The following SSBP3 variants were observed in gnomAD, a reference collection of about 807,000 sequenced individuals.
SSBP3 encodes single stranded DNA binding protein 3, also known as single-stranded DNA-binding protein 3.
In SSBP3, 5 loss-of-function variants were observed where a neutral mutation model predicts 69.6. That is an observed-to-expected ratio of 0.07 (90% CI 0.04 to 0.15). The LOEUF (loss-of-function observed/expected upper bound fraction) is 0.15, where lower values mean the gene tolerates loss of function less well. Ranked by LOEUF, SSBP3 falls within the 10% of genes least tolerant of loss-of-function variation. The pLI, the probability that SSBP3 is intolerant of heterozygous loss-of-function variation, is 1.00. For missense variants in SSBP3, 312 were observed against 534.0 expected (o/e 0.58, Z 4.10); for synonymous variants, 196 against 193.4 (o/e 1.01, Z -0.11).
chr1:54,317,585 A>C (rs1212207851), intron 4 of SSBP3, among the ~76,000 whole-genome samples: 1 of 152,028 alleles, frequency 6.6e-6, no homozygotes, highest in East Asian at 1.9e-4. Flanking sequence ...AAAAAGCATC[A>C]AACCACAAAA....
At chr1:54,350,780 T>C (rs1054357368) in intron 4 of SSBP3, among the ~76,000 whole-genome samples, 2 of 151,826 alleles carry the variant, frequency 1.3e-5, no homozygotes, top group African/African-American at 4.8e-5. Flanking sequence ...AAAAATCATA[T>C]CAACGTGTAA....
intron 4 of SSBP3, among the ~76,000 whole-genome samples, chr1:54,284,477 AATT>A (rs898550202): frequency 4.0e-5 from 6 of 151,648 alleles, no homozygotes; most frequent in Non-Finnish European, 7.4e-5. Context: ...AAAAAATTAA[AATT>A]ATTATTATTA....
chr1:54,235,048 C>T lies in SSBP3; in HGVS notation c.927+4081G>A, dbSNP rs140088243. On this transcript the variant is annotated intron_variant, in intron 14 of 17. Coordinates refer to ENST00000610401, the Ensembl canonical transcript of SSBP3. ...CACTGACTCCTAGTGTCACCTAACA[C>T]GGTACCACCAAACTAAATATCCTCT... 4.3e-4 allele frequency among the ~76,000 whole-genome samples: 65 copies of T among 152,302 alleles called. No homozygotes were observed. In the East Asian group the frequency reaches 8.1e-3, roughly 19 times the overall value.
intron 4 of SSBP3, among the ~76,000 whole-genome samples, chr1:54,388,264 G>A (rs1241191985): frequency 6.6e-6 from 1 of 152,160 alleles, no homozygotes; most frequent in Non-Finnish European, 1.5e-5. Context: ...TGGCTCAAAG[G>A]TAGAGTGGGG....
At chr1:54,313,266 G>C (rs1646036961) in intron 4 of SSBP3, among the ~76,000 whole-genome samples, 1 of 151,966 alleles carries the variant, frequency 6.6e-6, no homozygotes, top group Admixed American at 6.6e-5. Flanking sequence ...GAACCTGGGG[G>C]AGGGGGCTGC....
At position 54,240,125 on chromosome 1, in the gene SSBP3, ACATGCCCACG is replaced by A. The variant is rs1189723554; in HGVS notation, c.856+770_856+779del. Among the ~76,000 whole-genome samples, 992 of 110,590 alleles carry A rather than the reference ACATGCCCACG, an allele frequency of 9.0e-3. 19 individuals carry two copies. The highest frequency in any genetic ancestry group is 0.031 in the African/African-American group (928 of 30,012). The allele number at this position is 110,590 out of a possible 152,430, so 72.6% of individuals were successfully genotyped here. On this transcript the variant is annotated intron_variant, in intron 13 of 17. Coordinates refer to ENST00000610401, the Ensembl canonical transcript of SSBP3. ...GTGTGCGTGCGCGCGCGCGCGCAAC[ACATGCCCACG>A]TATGTGCACGCATGCCCTCTTTTGT...
At chr1:54,405,100 T>A (rs892857605) in intron 1 of SSBP3, among the ~76,000 whole-genome samples, 170 bp from the exon 2 acceptor site, 1 of 151,914 alleles carries the variant, frequency 6.6e-6, no homozygotes, top group Admixed American at 6.6e-5. Flanking sequence ...GTGCGAACAG[T>A]TAGGGGGTGG....
At chr1:54,274,189 CCA>C (rs1645245035) in intron 5 of SSBP3, among the ~76,000 whole-genome samples, 1 of 152,202 alleles carries the variant, frequency 6.6e-6, no homozygotes, top group Non-Finnish European at 1.5e-5. Flanking sequence ...TTTTATTTCC[CCA>C]CAGACAGGCA....
chr1:54,262,795 C>T (rs1222552789), intron 5 of SSBP3, among the ~76,000 whole-genome samples: 1 of 152,188 alleles, frequency 6.6e-6, no homozygotes, highest in Non-Finnish European at 1.5e-5. Context: ...ACTGCACTGC[C>T]TCTGCAGGGT....
At chr1:54,233,081 C>G (rs75118923) in intron 14 of SSBP3, among the ~76,000 whole-genome samples, 69,894 of 148,306 alleles carry the variant, frequency 0.47, 17,062 homozygotes, top group African/African-American at 0.59. Context: ...TGGCTGCCCA[C>G]TCTGGAAAGT....
Position 54,248,069 on chromosome 1 carries a change from C to T in SSBP3, c.651+3547G>A, listed in dbSNP as rs192998325. Among the ~76,000 whole-genome samples the T allele has an allele frequency of 1.2e-4, 18 of 152,306 alleles. No homozygotes were observed. The South Asian group carries it at 2.5e-3, about 21-fold the overall frequency. Reference sequence around the variant, plus strand: ...TCACAAAATGCAATGTCACTCCCTTCGGTTTTGAAATAAAGTAGCCCTATG... The same window carrying T: ...TCACAAAATGCAATGTCACTCCCTTTGGTTTTGAAATAAAGTAGCCCTATG... On this transcript the variant is annotated intron_variant, in intron 9 of 17. Coordinates refer to ENST00000610401, the Ensembl canonical transcript of SSBP3.
At chr1:54,327,604 A>G (rs1341362685) in intron 4 of SSBP3, among the ~76,000 whole-genome samples, 1 of 152,090 alleles carries the variant, frequency 6.6e-6, no homozygotes, top group Non-Finnish European at 1.5e-5. Context: ...ATGATTCTGC[A>G]GCTGCTGCTG....
At chr1:54,272,231 T>C (rs1346674580) in intron 5 of SSBP3, among the ~76,000 whole-genome samples, 2 of 152,106 alleles carry the variant, frequency 1.3e-5, no homozygotes, top group Admixed American at 1.3e-4. Flanking sequence ...GACCCCATAC[T>C]GTGGTTCCCT....
chr1:54,238,858 C>T (rs1008109363), intron 14 of SSBP3: 38 of 406,574 alleles, frequency 9.3e-5, no homozygotes, highest in South Asian at 7.6e-4. Flanking sequence ...CCCACCAGCA[C>T]GGCAGGAGGT....
chr1:54,288,014 G>A (rs1483136467), intron 4 of SSBP3, among the ~76,000 whole-genome samples: 1 of 152,194 alleles, frequency 6.6e-6, no homozygotes, highest in Non-Finnish European at 1.5e-5. Flanking sequence ...GAGGAGGGAT[G>A]GATGTGTCTC....
intron 9 of SSBP3, among the ~76,000 whole-genome samples, chr1:54,247,503 C>G (rs1415955351): frequency 1.3e-5 from 2 of 152,202 alleles, no homozygotes; most frequent in African/African-American, 4.8e-5. Context: ...CCACCCATCT[C>G]TTTTGGGGGC....
At chr1:54,246,333 A>C (rs1644733499) in intron 9 of SSBP3, among the ~76,000 whole-genome samples, 1 of 152,142 alleles carries the variant, frequency 6.6e-6, no homozygotes, top group African/African-American at 2.4e-5. Flanking sequence ...GCTCCAGGAC[A>C]AGCAGCTTGC....
chr1:54,410,724 T>C (rs559895368), upstream of SSBP3, among the ~76,000 whole-genome samples: 1 of 152,352 alleles, frequency 6.6e-6, no homozygotes, highest in East Asian at 1.9e-4. Flanking sequence ...CCTTCCCCTC[T>C]GAGCCTCACC....
chr1:54,228,963 A>T lies in SSBP3; in HGVS notation c.928-137T>A. 3.4e-6 allele frequency: 3 copies of T among 877,238 alleles called. No homozygotes were observed. In the South Asian group the frequency reaches 4.8e-5, roughly 14 times the overall value. The allele number at this position is 877,238 out of a possible 1,614,324, so 54.3% of individuals were successfully genotyped here. On this transcript the variant is annotated intron_variant, in intron 14 of 17. Transcript: ENST00000610401. ...CGGCAGGCTCTGCTCACACTCGGAC[A>T]TGTCCTGCCTGGCAGCTGGGCCAGG...
Sources: gnomAD v4.1 joint callset for allele counts (sites outside exome capture counted in the v4.1 genomes callset) on GRCh38, gnomAD v4.1.1 for gene constraint, MANE v1.5 for transcripts, NCBI Gene and HGNC (gene_info 2026-07-23, HGNC 2026-07-21) for gene names.